The following DCAF8L2 variants were observed in gnomAD, a reference collection of about 807,000 sequenced individuals.
DCAF8L2 encodes the protein DDB1 and CUL4 associated factor 8 like 2.
For missense variants in DCAF8L2, 430 were observed against 490.7 expected (o/e 0.88, Z 1.17); for synonymous variants, 200 against 190.9 (o/e 1.05, Z -0.39).
At chrX:27,484,222 T>C in the DCAF8L2 span, among the ~76,000 whole-genome samples, 1 of 111,677 alleles carries the variant, frequency 9.0e-6, no homozygotes, top group South Asian at 3.7e-4. Flanking sequence ...ATTTGTATAG[T>C]GTATACACAT....
chrX:27,562,117 T>C, the DCAF8L2 span, among the ~76,000 whole-genome samples: 1 of 112,430 alleles, frequency 8.9e-6, no homozygotes, highest in African/African-American at 3.2e-5. Context: ...TGTGAACTTG[T>C]ATCTCATTGT....
In DCAF8L2 at chrX:27,689,527, G is replaced by A. The variant is rs1343374195; in HGVS notation, c.-143+11615G>A. ...CCCAATGTGCTGGGATTACAGGCGT[G>A]AGCCACCGCACCCAGCCCACCATAA... On this transcript the variant is annotated intron_variant, in intron 3 of 4. Coordinates refer to ENST00000451261, the MANE Select transcript of DCAF8L2 (RefSeq NM_001353450.2). 4.4e-5 allele frequency among the ~76,000 whole-genome samples: 5 copies of A among 112,775 alleles called. No individual in the cohort carries two copies. The South Asian group carries it at 1.1e-3, about 24-fold the overall frequency.
the DCAF8L2 span, among the ~76,000 whole-genome samples, chrX:27,506,165 CAAAG>C: frequency 9.0e-6 from 1 of 111,425 alleles, no homozygotes; most frequent in Non-Finnish European, 1.9e-5. Context: ...TCATTGAAGA[CAAAG>C]AAAAATGTTA....
intron 4 of DCAF8L2, among the ~76,000 whole-genome samples, chrX:27,724,560 G>T (rs921824714): frequency 2.7e-5 from 3 of 110,893 alleles, no homozygotes; most frequent in African/African-American, 9.8e-5. Flanking sequence ...TTTTACTCCA[G>T]AAGTCATTAC....
the DCAF8L2 span, among the ~76,000 whole-genome samples, chrX:27,526,838 C>T: frequency 8.9e-6 from 1 of 112,445 alleles, no homozygotes; most frequent in Non-Finnish European, 1.9e-5. Flanking sequence ...TGCAGAACAG[C>T]GAATATTGCT....
intron 3 of DCAF8L2, among the ~76,000 whole-genome samples, chrX:27,709,129 C>G (rs963953599): frequency 2.7e-5 from 3 of 109,802 alleles, no homozygotes; most frequent in African/African-American, 3.4e-5. Flanking sequence ...CCATGTTGGT[C>G]AGGCTGGTCT....
rs369860115 is a variant in DCAF8L2 at position 27,665,161 on chromosome X, G to A, written c.-219-12675G>A. Among the ~76,000 whole-genome samples, 35 of 109,926 alleles carry A rather than the reference G, an allele frequency of 3.2e-4. 2 individuals carry two copies. Among genetic ancestry groups the A allele is most frequent in the Admixed American group, 2.0e-3 (20 of 10,047 alleles). On this transcript the variant is annotated intron_variant, in intron 2 of 4. Coordinates refer to ENST00000451261, the MANE Select transcript of DCAF8L2 (RefSeq NM_001353450.2). ...ATTGAAATCATTCTGGAAAGGATTCGCCATTCTAGATGTCATTAAAAGTAT... is the reference window on the plus strand; with the variant it reads ...ATTGAAATCATTCTGGAAAGGATTCACCATTCTAGATGTCATTAAAAGTAT...
the DCAF8L2 span, among the ~76,000 whole-genome samples, chrX:27,557,473 C>T: frequency 5.4e-5 from 6 of 111,641 alleles, no homozygotes; most frequent in Middle Eastern, 4.7e-3. Flanking sequence ...TACATCAATC[C>T]GAGTAAAAAT....
rs756802212 is a variant in DCAF8L2 at position 27,659,666 on chromosome X, C to T, written c.-219-18170C>T. On this transcript the variant is annotated intron_variant, in intron 2 of 4. Transcript: ENST00000451261. ...TGTCTAACTGGGTTATTTCAAAAAA[C>T]CTTTCTTCAAGGTCAGAACATTTAC... Among the ~76,000 whole-genome samples the T allele has an allele frequency of 1.9e-4, 21 of 111,102 alleles. No individual in the cohort carries two copies. The South Asian group carries it at 7.7e-3, about 41-fold the overall frequency.
At chrX:27,587,519 G>A (rs766660435), upstream of DCAF8L2, among the ~76,000 whole-genome samples, 4 of 111,111 alleles carry the variant, frequency 3.6e-5, no homozygotes, top group South Asian at 1.1e-3. Flanking sequence ...TATACATTAC[G>A]GAATATACAT....
chrX:27,661,793 C>T (rs939861852), intron 2 of DCAF8L2, among the ~76,000 whole-genome samples: 1 of 111,404 alleles, frequency 9.0e-6, no homozygotes, highest in Non-Finnish European at 1.9e-5. Context: ...GCCTTTCTCA[C>T]ATGATAGAGG....
chrX:27,727,244 T>G (rs1194487901), intron 4 of DCAF8L2, among the ~76,000 whole-genome samples: 1 of 111,665 alleles, frequency 9.0e-6, no homozygotes, highest in African/African-American at 3.2e-5. Flanking sequence ...CTTCCAACTT[T>G]TTTCATTAAT....
At chrX:27,555,308 T>C in the DCAF8L2 span, among the ~76,000 whole-genome samples, 1 of 112,113 alleles carries the variant, frequency 8.9e-6, no homozygotes. Flanking sequence ...GATTGACGTG[T>C]GAGTGGGCAC....
At chrX:27,474,685 A>C in the DCAF8L2 span, among the ~76,000 whole-genome samples, 1 of 112,195 alleles carries the variant, frequency 8.9e-6, no homozygotes, top group African/African-American at 3.2e-5. Context: ...TAGCAACAAA[A>C]AATGTTCTTT....
chrX:27,674,691 A>T (rs1320375985), intron 2 of DCAF8L2, among the ~76,000 whole-genome samples: 1 of 111,726 alleles, frequency 9.0e-6, no homozygotes, highest in Admixed American at 9.6e-5. Context: ...GGTGGAGTAG[A>T]AATGTTAGGC....
At chrX:27,653,752 AC>A (rs1252740418) in intron 2 of DCAF8L2, among the ~76,000 whole-genome samples, 2 of 107,691 alleles carry the variant, frequency 1.9e-5, no homozygotes, top group East Asian at 6.3e-4. Context: ...ACACACACAC[AC>A]ACACACACAA....
At chrX:27,479,259 A>G in the DCAF8L2 span, among the ~76,000 whole-genome samples, 1 of 111,106 alleles carries the variant, frequency 9.0e-6, no homozygotes, top group Non-Finnish European at 1.9e-5. Context: ...CCTGAGTCCA[A>G]TAATGTAAGT....
chrX:27,600,493 A>C (rs1277012914), intron 1 of DCAF8L2, among the ~76,000 whole-genome samples: 1 of 112,065 alleles, frequency 8.9e-6, no homozygotes, highest in Non-Finnish European at 1.9e-5. Context: ...CATGAAACAA[A>C]AATGTCACAC....
chrX:27,740,177 A>G (rs1258585028), intron 4 of DCAF8L2, among the ~76,000 whole-genome samples: 1 of 111,813 alleles, frequency 8.9e-6, no homozygotes, highest in African/African-American at 3.3e-5. Context: ...ACTGCTTGCA[A>G]TTACCCAACT....
Sources: allele counts gnomAD v4.1 joint callset (sites outside exome capture counted in the v4.1 genomes callset), GRCh38; gene constraint gnomAD v4.1.1; transcripts MANE v1.5; gene names NCBI Gene and HGNC (gene_info 2026-07-23, HGNC 2026-07-21).